The following CBFB variants were observed in gnomAD, a reference collection of about 807,000 sequenced individuals.
CBFB encodes the protein CBF-beta.
CBFB carries 9 observed loss-of-function variants against 30.4 expected under a neutral mutation model. The observed-to-expected ratio is 0.30, with a 90% CI of 0.18 to 0.52. The LOEUF (loss-of-function observed/expected upper bound fraction) is 0.52, where lower values mean the gene tolerates loss of function less well. Ranked by LOEUF, CBFB falls within the 20% of genes least tolerant of loss-of-function variation. The probability of loss-of-function intolerance (pLI) is 0.97; values close to 1 mark genes in which losing one functional copy is unlikely to be tolerated. For synonymous variants in CBFB, 94 were observed against 84.0 expected (o/e 1.12, Z -0.65); for missense variants, 170 against 244.0 (o/e 0.70, Z 2.02).
At chr16:67,090,155 T>A (rs1467883515) in intron 5 of CBFB, among the ~76,000 whole-genome samples, 1 of 152,176 alleles carries the variant, frequency 6.6e-6, no homozygotes, top group Non-Finnish European at 1.5e-5. Context: ...TGACTAGAAG[T>A]GGGTATGAAG....
chr16:67,095,698 T>TA (rs1171096532), intron 5 of CBFB, among the ~76,000 whole-genome samples: 1 of 150,958 alleles, frequency 6.6e-6, no homozygotes, highest in East Asian at 2.0e-4. Flanking sequence ...CTGTTTTTTT[T>TA]TTTTTTTTTT....
chr16:67,075,189 C>CA (rs1183608208), intron 4 of CBFB, among the ~76,000 whole-genome samples: 2 of 100,030 alleles, frequency 2.0e-5, no homozygotes, highest in African/African-American at 3.6e-5. Context: ...GATTCTATCT[C>CA]AAAAAAAATG....
chr16:67,100,285 A>G lies in CBFB; in HGVS notation c.*1507A>G, dbSNP rs1290536484. 8 of 221,568 alleles carry G rather than the reference A, an allele frequency of 3.6e-5. No individual in the cohort carries two copies. The highest frequency in any genetic ancestry group is 8.9e-5 in the African/African-American group (4 of 44,716). The allele number at this position is 221,568 out of a possible 1,614,324, so 13.7% of individuals were successfully genotyped here. On this transcript the variant is annotated 3_prime_UTR_variant, in exon 6 of 6. Coordinates refer to ENST00000412916, the MANE Select transcript of CBFB (RefSeq NM_022845.3). Reference sequence around the variant, plus strand: ...TAAGGTCATTGCATTTAAAAAGCATATAACTGTACTTGACTGATGAGGGAG... The same window carrying G: ...TAAGGTCATTGCATTTAAAAAGCATGTAACTGTACTTGACTGATGAGGGAG...
intron 5 of CBFB, among the ~76,000 whole-genome samples, chr16:67,088,393 A>G (rs1961787471): frequency 2.0e-5 from 3 of 152,106 alleles, no homozygotes. Context: ...CTAATCTAAC[A>G]TTATTACAGT....
chr16:67,070,464 C>T (rs1011405580), intron 4 of CBFB, among the ~76,000 whole-genome samples: 2 of 152,190 alleles, frequency 1.3e-5, no homozygotes, highest in African/African-American at 4.8e-5. Context: ...TAATAAATAA[C>T]CAGCAATCTA....
chr16:67,029,370 C>A lies in CBFB; in HGVS notation c.-38C>A. On this transcript the variant is annotated 5_prime_UTR_variant, in exon 1 of 6. Transcript: ENST00000412916. ...CAGCCAGCGGGTGCCCGCGCAAGCCCCGAGCGCGGCCGGCCGGCGCGGCCT... is the reference window on the plus strand; with the variant it reads ...CAGCCAGCGGGTGCCCGCGCAAGCCACGAGCGCGGCCGGCCGGCGCGGCCT... 3 of 1,455,938 alleles carry A rather than the reference C, an allele frequency of 2.1e-6. No individual in the cohort carries two copies. The highest frequency in any genetic ancestry group is 1.8e-6 in the Non-Finnish European group (2 of 1,095,782). 90.2% of individuals were successfully genotyped at this position (1,455,938 alleles called of 1,614,324 possible).
At chr16:67,069,864 C>T (rs924357073) in intron 4 of CBFB, among the ~76,000 whole-genome samples, 4 of 152,050 alleles carry the variant, frequency 2.6e-5, no homozygotes, top group Admixed American at 1.3e-4. Flanking sequence ...TGGCTCACAC[C>T]TGTAATCCCA....
intron 4 of CBFB, among the ~76,000 whole-genome samples, chr16:67,080,422 TG>T: frequency 6.6e-6 from 1 of 151,966 alleles, no homozygotes; most frequent in South Asian, 2.1e-4. Flanking sequence ...AGTGGTTGAT[TG>T]ATTGTGGAGA....
chr16:67,075,970 G>T (rs1961384126), intron 4 of CBFB, among the ~76,000 whole-genome samples: 1 of 152,110 alleles, frequency 6.6e-6, no homozygotes, highest in African/African-American at 2.4e-5. Context: ...AGTGGCTCAT[G>T]CCTGTAATCC....
At position 67,098,815 on chromosome 16, in the gene CBFB, A is replaced by C; in HGVS notation, c.*37A>C. On this transcript the variant is annotated 3_prime_UTR_variant, in exon 6 of 6. Coordinates refer to ENST00000412916, the MANE Select transcript of CBFB (RefSeq NM_022845.3). ...GCAGATGTGTGCTGCCCATCTTTAC[A>C]TACACATTGCTTCTAGTTGGCAGAA... 3 of 1,156,000 alleles carry C rather than the reference A, an allele frequency of 2.6e-6. No individual in the cohort carries two copies. Among genetic ancestry groups the C allele is most frequent in the Non-Finnish European group, 3.9e-6 (3 of 765,894 alleles). The allele number at this position is 1,156,000 out of a possible 1,614,324, so 71.6% of individuals were successfully genotyped here. A position where few individuals can be genotyped will look rare whatever the true frequency, so the allele number is the denominator to read the frequency against.
chr16:67,052,421 T>C (rs962727606), intron 3 of CBFB, among the ~76,000 whole-genome samples: 2 of 151,526 alleles, frequency 1.3e-5, no homozygotes, highest in South Asian at 4.2e-4. Context: ...TAAAAACATT[T>C]TTTAAGTGAC....
At chr16:67,074,890 G>A (rs552371278) in intron 4 of CBFB, among the ~76,000 whole-genome samples, 1 of 152,020 alleles carries the variant, frequency 6.6e-6, no homozygotes, top group Admixed American at 6.6e-5. Flanking sequence ...TCTGGCAAAG[G>A]ACTTACATAA....
intron 5 of CBFB, among the ~76,000 whole-genome samples, chr16:67,090,254 A>G (rs1451921388): frequency 6.6e-6 from 1 of 152,144 alleles, no homozygotes; most frequent in Non-Finnish European, 1.5e-5. Context: ...TTCATTACAT[A>G]CTTAACAATT....
chr16:67,095,473 C>T (rs1298583953), intron 5 of CBFB, among the ~76,000 whole-genome samples: 5 of 152,032 alleles, frequency 3.3e-5, no homozygotes, highest in Non-Finnish European at 7.4e-5. Context: ...ACCAAGATTG[C>T]GTCACTGCGC....
intron 3 of CBFB, among the ~76,000 whole-genome samples, chr16:67,042,151 T>C (rs1301991911): frequency 2.0e-5 from 3 of 152,174 alleles, no homozygotes; most frequent in Non-Finnish European, 2.9e-5. Flanking sequence ...CTCGACCTCC[T>C]GACCTCAAGT....
rs1962125848 is a variant in CBFB, at chr16:67,098,634, G to A, written c.496-76G>A. ...TTATGAAGTTTTTCTGTGTGCTACT[G>A]TCTTGTATTTTGTATATCTAGTATT... On this transcript the variant is annotated intron_variant, in intron 5 of 5. Coordinates refer to ENST00000412916, the MANE Select transcript of CBFB (RefSeq NM_022845.3). The A allele has an allele frequency of 4.4e-5, 38 of 855,878 alleles. 1 individual carries two copies. In the South Asian group the frequency reaches 4.8e-4, roughly 11 times the overall value. The allele number at this position is 855,878 out of a possible 1,614,324, so 53.0% of individuals were successfully genotyped here.
At chr16:67,030,603 T>C (rs62057939) in intron 2 of CBFB, among the ~76,000 whole-genome samples, 1 of 152,008 alleles carries the variant, frequency 6.6e-6, no homozygotes, top group Non-Finnish European at 1.5e-5. Flanking sequence ...AGAGGTTGAT[T>C]ATTACTATTT....
rs988472231 is a variant in CBFB at position 67,036,684 on chromosome 16, G to T, written c.211G>T (p.Ala71Ser). 3 of 1,613,714 alleles carry T rather than the reference G, an allele frequency of 1.9e-6. No individual in the cohort carries two copies. In the African/African-American group the frequency reaches 4.0e-5, roughly 22 times the overall value. The change falls in exon 3 of 6, where the codon GCC becomes TCC. Residue 71 changes from alanine (A) to serine (S), a missense_variant. By Grantham distance (99) the Ala-to-Ser change is moderately conservative. Transcript: ENST00000412916. ...GTNLSLQFFPASWQGEQRQTP... is the reference protein window; with the variant it reads ...GTNLSLQFFPSSWQGEQRQTP... ...CAATCTGTCTCTCCAGTTTTTTCCG[G>T]CCAGCTGGCAGGGAGAACAGCGACA...
intron 4 of CBFB, among the ~76,000 whole-genome samples, chr16:67,074,443 C>T (rs897067774): frequency 6.7e-6 from 1 of 149,064 alleles, no homozygotes; most frequent in African/African-American, 2.5e-5. Context: ...AGTGCAGTGG[C>T]GTGATCTCAG....
Sources: allele counts gnomAD v4.1 joint callset (sites outside exome capture counted in the v4.1 genomes callset), GRCh38; gene constraint gnomAD v4.1.1; transcripts MANE v1.5; gene names NCBI Gene and HGNC (gene_info 2026-07-23, HGNC 2026-07-21).